ZNF718: variants seen among roughly 807,000 people sequenced by gnomAD.
The protein encoded by ZNF718 is zinc finger protein 718.
In ZNF718, 3 loss-of-function variants were observed where a neutral mutation model predicts 2.6. The ratio of observed to expected loss-of-function variants is 1.16; its 90% CI spans 0.53 to 3.01. ZNF718 has a LOEUF of 3.01. Among genes scored for constraint, ZNF718 ranks in the 30% most tolerant of loss-of-function variants. ZNF718 has a pLI of 0.03. For missense variants in ZNF718, 468 were observed against 230.0 expected, an observed-to-expected ratio of 2.03 and a Z score of -6.69; for synonymous variants, 135 against 77.9, an observed-to-expected ratio of 1.73 and a Z score of -3.86.
intron 3 of ZNF718, among the ~76,000 whole-genome samples, chr4:144,619 C>T (rs1320560773): frequency 1.3e-5 from 2 of 152,148 alleles, no homozygotes; most frequent in African/African-American, 2.4e-5. Context: ...TTTAATAATA[C>T]TGATCCTTCC....
At chr4:180,368 G>A (rs1553819651) in intron 3 of ZNF718, among the ~76,000 whole-genome samples, 2 of 152,226 alleles carry the variant, frequency 1.3e-5, no homozygotes, top group African/African-American at 4.8e-5. Flanking sequence ...AGAATGATCA[G>A]TCTAGAAAAG....
At chr4:149,912 T>C (rs1716240454) in intron 3 of ZNF718, 1 of 152,146 alleles carries the variant, frequency 6.6e-6, no homozygotes, top group Admixed American at 6.5e-5. Context: ...TTAAACATTT[T>C]CAATTGTACG....
At chr4:201,021 A>G (rs1162596550) in intron 3 of ZNF718, 1 of 152,284 alleles carries the variant, frequency 6.6e-6, no homozygotes, top group African/African-American at 2.4e-5. Flanking sequence ...AGTGGTTTTA[A>G]TATTTGCCTT....
At position 161,049 on chromosome 4, in the gene ZNF718, A is replaced by T. The variant is rs202125181; in HGVS notation, c.364A>T (p.Lys122Ter). The T allele has an allele frequency of 1.3e-6, 1 of 780,258 alleles. No individual in the cohort carries two copies. Among genetic ancestry groups the T allele is most frequent in the Non-Finnish European group, 2.4e-6 (1 of 417,630 alleles). The allele number at this position is 780,258 out of a possible 1,614,324, so 48.3% of individuals were successfully genotyped here. A position where few individuals can be genotyped will look rare whatever the true frequency, so the allele number is the denominator to read the frequency against. The change falls in exon 4 of 4, where the codon AAG becomes TAG. Residue 122 changes from lysine to a stop codon, truncating the protein, a stop_gained. Coordinates refer to ENST00000510175, the MANE Select transcript of ZNF718 (RefSeq NM_001039127.6). LOFTEE classifies it low-confidence loss of function (END_TRUNC). ...AACTTGTAAAAGTATAAATGAGTGT[A>T]AGGTGCAGAAAGGTGGTTATAATAG... ...RKTCKSINEC[K>*]VQKGGYNRIN...
At chr4:174,150 C>T (rs1328478514) in intron 3 of ZNF718, among the ~76,000 whole-genome samples, 1 of 152,134 alleles carries the variant, frequency 6.6e-6, no homozygotes, top group African/African-American at 2.4e-5. Flanking sequence ...GGACAGCTGC[C>T]TTCAGCTCAT....
chr4:130,058 G>A lies in ZNF718; in HGVS notation c.4-730G>A, dbSNP rs1368945815. Among the ~76,000 whole-genome samples, 138 of 104,686 alleles carry A rather than the reference G, an allele frequency of 1.3e-3. 54 individuals are homozygous for A. Among genetic ancestry groups the A allele is most frequent in the Non-Finnish European group, 2.5e-3 (117 of 46,896 alleles). 68.7% of individuals were successfully genotyped at this position (104,686 alleles called of 152,430 possible). ...CATTAAAGGGCTTGCAGAGAATGCC[G>A]TATTTCAAGATGATGATTGGTGGTC... On this transcript the variant is annotated intron_variant, in intron 1 of 3. Transcript: ENST00000510175.
chr4:188,792 A>G (rs1310750697), intron 3 of ZNF718, among the ~76,000 whole-genome samples: 1 of 152,046 alleles, frequency 6.6e-6, no homozygotes, highest in Non-Finnish European at 1.5e-5. Context: ...ACTCACCCCT[A>G]TTCTTGGCTG....
At chr4:188,861 TATA>T (rs1717625761) in intron 3 of ZNF718, among the ~76,000 whole-genome samples, 1 of 152,140 alleles carries the variant, frequency 6.6e-6, no homozygotes, top group Non-Finnish European at 1.5e-5. Flanking sequence ...AATCTATCCT[TATA>T]GTAGTACCCT....
At chr4:137,037 G>T (rs2013668661) in intron 3 of ZNF718, among the ~76,000 whole-genome samples, 1 of 152,106 alleles carries the variant, frequency 6.6e-6, no homozygotes, top group African/African-American at 2.4e-5. Context: ...GGCATAGTGA[G>T]TTTGTTCTCC....
At chr4:136,460 A>C in intron 3 of ZNF718, 2 of 523,142 alleles carry the variant, frequency 3.8e-6, no homozygotes, top group Non-Finnish European at 3.8e-6. Context: ...GACAGGTTGC[A>C]GAACTGCTTC....
intron 3 of ZNF718, among the ~76,000 whole-genome samples, chr4:177,974 G>A (rs977947463): frequency 1.3e-5 from 2 of 151,978 alleles, no homozygotes; most frequent in East Asian, 1.9e-4. Context: ...CAGAGAGGAC[G>A]GGAAATACCT....
intron 1 of ZNF718, chr4:125,125 C>G (rs1437957357): frequency 6.3e-6 from 1 of 159,826 alleles, no homozygotes; most frequent in African/African-American, 2.4e-5. Flanking sequence ...GAAGGAAAGG[C>G]TTTTGTGAGG....
intron 3 of ZNF718, among the ~76,000 whole-genome samples, chr4:174,648 A>C (rs1717312385): frequency 6.6e-6 from 1 of 152,196 alleles, no homozygotes. Flanking sequence ...ACTTCACTTA[A>C]TTGTCAGCCT....
chr4:174,226 T>C (rs782354658), intron 3 of ZNF718, among the ~76,000 whole-genome samples: 1 of 152,110 alleles, frequency 6.6e-6, no homozygotes, highest in Non-Finnish European at 1.5e-5. Flanking sequence ...CCTGTAACTT[T>C]TTCTTACAAA....
At chr4:182,404 A>T (rs532955470) in intron 3 of ZNF718, among the ~76,000 whole-genome samples, 3,039 of 147,768 alleles carry the variant, frequency 0.021, 117 homozygotes, top group African/African-American at 0.053. Context: ...ATTTTGATTT[A>T]TATTTATTTA....
At position 160,917 on chromosome 4, in the gene ZNF718, T is replaced by C. The variant is rs782461068; in HGVS notation, c.232T>C (p.Cys78Arg). ...HETAARPPAV[C>R]SHFTQNLWTV... ...GTTATTTTTATTTCTTTCAGCTGTG[T>C]GTTCTCATTTCACCCAAAACCTTTG... The change falls in exon 4 of 4, where the codon TGT becomes CGT. Residue 78 changes from cysteine (C) to arginine (R), a missense_variant. Physicochemically the swap from Cys to Arg is radical, Grantham distance 180. Coordinates refer to ENST00000510175, the MANE Select transcript of ZNF718 (RefSeq NM_001039127.6). The C allele has an allele frequency of 1.3e-6, 1 of 756,648 alleles. No homozygotes were observed. The highest frequency in any genetic ancestry group is 2.4e-5 in the East Asian group (1 of 41,086). 46.9% of individuals were successfully genotyped at this position (756,648 alleles called of 1,614,324 possible).
At chr4:198,890 A>T (rs1553822397) in intron 3 of ZNF718, among the ~76,000 whole-genome samples, 1 of 152,238 alleles carries the variant, frequency 6.6e-6, no homozygotes, top group Non-Finnish European at 1.5e-5. Context: ...ATGTTACATT[A>T]TTAACTCACT....
At position 132,675 on chromosome 4, in the gene ZNF718, C is replaced by G. The variant is rs1265796628; in HGVS notation, c.226+1170C>G. On this transcript the variant is annotated intron_variant, in intron 3 of 3. Coordinates refer to ENST00000510175, the MANE Select transcript of ZNF718 (RefSeq NM_001039127.6). ...AAATGTAATTCTACAAAAATTCTTA[C>G]TCAGCAATTTTATCAGAACAATAAG... is the stretch of plus-strand genomic sequence containing the variant. 3.8e-5 allele frequency among the ~76,000 whole-genome samples: 4 copies of G among 103,930 alleles called. 2 individuals are homozygous for G. The highest frequency in any genetic ancestry group is 8.6e-5 in the Non-Finnish European group (4 of 46,680). 68.2% of individuals were successfully genotyped at this position (103,930 alleles called of 152,430 possible).
At position 162,358 on chromosome 4, in the gene ZNF718, T is replaced by A; in HGVS notation, c.*236T>A. 1 of 383,490 alleles carries A rather than the reference T, an allele frequency of 2.6e-6. No homozygotes were observed. The highest frequency in any genetic ancestry group is 4.7e-6 in the Non-Finnish European group (1 of 214,726). 23.8% of individuals were successfully genotyped at this position (383,490 alleles called of 1,614,324 possible). A position where few individuals can be genotyped will look rare whatever the true frequency, so the allele number is the denominator to read the frequency against. On this transcript the variant is annotated 3_prime_UTR_variant, in exon 4 of 4. Coordinates refer to ENST00000510175, the MANE Select transcript of ZNF718 (RefSeq NM_001039127.6). ...TATAATTCTTACTGCAGAAAACCCC[T>A]AGGAATATTAAAAGTGTGGCAAAAC...
Sources: allele counts gnomAD v4.1 joint callset (sites outside exome capture counted in the v4.1 genomes callset), GRCh38; gene constraint gnomAD v4.1.1; transcripts MANE v1.5; gene names NCBI Gene and HGNC (gene_info 2026-07-23, HGNC 2026-07-21).